The following SRR variants were observed in gnomAD, a reference collection of about 807,000 sequenced individuals.
SRR encodes the protein serine racemase, also known as D-serine ammonia-lyase.
SRR carries 19 observed loss-of-function variants against 32.7 expected under a neutral mutation model. The observed-to-expected ratio is 0.58, with a 90% CI of 0.40 to 0.85. The LOEUF is 0.85. Ranked by LOEUF, SRR falls within the 40% of genes least tolerant of loss-of-function variation. SRR has a pLI of 0.00. For synonymous variants in SRR, 142 were observed against 140.9 expected (o/e 1.01, Z -0.06); for missense variants, 373 against 404.7 (o/e 0.92, Z 0.67).
intron 7 of SRR, 29 bp from the exon 8 acceptor site, chr17:2,323,626 C>G: frequency 6.2e-7 from 1 of 1,608,996 alleles, no homozygotes; most frequent in Non-Finnish European, 8.5e-7. Flanking sequence ...TCCCCTTTCA[C>G]TAATTCCTAC....
In SRR at chr17:2,317,206, GGAA is replaced by G. The variant is rs1386400236; in HGVS notation, c.169-663_169-661del. Among the ~76,000 whole-genome samples, 3 of 111,856 alleles carry G rather than the reference GGAA, an allele frequency of 2.7e-5. 1 individual carries two copies. Among genetic ancestry groups the G allele is most frequent in the Admixed American group, 1.1e-4 (1 of 9,328 alleles). 73.4% of individuals were successfully genotyped at this position (111,856 alleles called of 152,430 possible). A position where few individuals can be genotyped will look rare whatever the true frequency, so the allele number is the denominator to read the frequency against. On this transcript the variant is annotated intron_variant, in intron 2 of 7. Coordinates refer to ENST00000344595, the MANE Select transcript of SRR (RefSeq NM_021947.3). ...TGATAGAGGAAGACTCCATCTCGGG[GGAA>G]AAAAAAAAAAAAAAAAAAAAGGCCG...
In SRR at chr17:2,324,170, G is replaced by A. The variant is rs371305424; in HGVS notation, c.*297G>A. 27 of 1,512,466 alleles carry A rather than the reference G, an allele frequency of 1.8e-5. No homozygotes were observed. The highest frequency in any genetic ancestry group is 1.3e-4 in the African/African-American group (9 of 71,598). The allele number at this position is 1,512,466 out of a possible 1,614,324, so 93.7% of individuals were successfully genotyped here. ...CATCCCTGGAGTACTGACTGGCACC[G>A]GTAAGACAGAATCTCTTTGAATCCA... On this transcript the variant is annotated 3_prime_UTR_variant, in exon 8 of 8. Transcript: ENST00000344595.
In SRR at chr17:2,321,307, C is replaced by T. The variant is rs758320061; in HGVS notation, c.401C>T (p.Ser134Phe). The T allele has an allele frequency of 1.2e-6, 2 of 1,613,576 alleles. No individual in the cohort carries two copies. Among genetic ancestry groups the T allele is most frequent in the Admixed American group, 3.3e-5 (2 of 59,900 alleles). The change falls in exon 5 of 8, where the codon TCC (serine) becomes TTC (phenylalanine). Residue 134 changes from serine (S) to phenylalanine (F), a missense_variant and splice_region_variant. By Grantham distance (155) the Ser-to-Phe change is radical. Coordinates refer to ENST00000344595, the MANE Select transcript of SRR (RefSeq NM_021947.3). ...SIVYCEPSDE[S>F]RENVAKRVTE... ...TAAGCTAAATTAATGTACTTTCAGT[C>T]CAGAGAAAATGTTGCAAAAAGAGTT... is the stretch of plus-strand genomic sequence containing the variant.
intron 1 of SRR, 153 bp from the exon 2 acceptor site, chr17:2,315,404 C>T (rs2075465353): frequency 4.2e-6 from 3 of 710,732 alleles, no homozygotes; most frequent in African/African-American, 1.8e-5. Context: ...TAAGTCAACT[C>T]TCTTTTAGGG....
At chr17:2,323,413 T>C (rs1437651427) in intron 7 of SRR, 68 bp downstream of exon 7, 27 of 1,581,192 alleles carry the variant, frequency 1.7e-5, no homozygotes, top group Non-Finnish European at 2.3e-5. Flanking sequence ...AAACTTCCCT[T>C]AGGAGTAGCA....
chr17:2,308,586 C>T (rs773507808), intron 1 of SRR, among the ~76,000 whole-genome samples: 26 of 152,228 alleles, frequency 1.7e-4, no homozygotes, highest in South Asian at 6.2e-4. Flanking sequence ...TGGCTGGGCA[C>T]GGTGGCTCAC....
At chr17:2,323,566 CA>C in intron 7 of SRR, 88 bp from the exon 8 acceptor site, 1 of 1,397,022 alleles carries the variant, frequency 7.2e-7, no homozygotes. Context: ...TAAGAAAATT[CA>C]AACTGGACAC....
intron 1 of SRR, among the ~76,000 whole-genome samples, chr17:2,306,207 T>C (rs1006551319): frequency 2.0e-5 from 3 of 151,634 alleles, no homozygotes; most frequent in Non-Finnish European, 4.4e-5. Context: ...TCCCAGCTAC[T>C]TGGGACGCTC....
At chr17:2,307,622 T>C (rs539709628) in intron 1 of SRR, 6 of 951,208 alleles carry the variant, frequency 6.3e-6, no homozygotes, top group South Asian at 2.6e-5. Context: ...CTGGCCCCTA[T>C]GGTGGTGCAG....
At chr17:2,317,771 T>C (rs2075488796) in intron 2 of SRR, 99 bp from the exon 3 acceptor site, 8 of 1,253,546 alleles carry the variant, frequency 6.4e-6, no homozygotes, top group Non-Finnish European at 9.0e-6. Flanking sequence ...TGGTGACAGA[T>C]TGGATGTGCA....
At position 2,313,898 on chromosome 17, in the gene SRR, T is replaced by C. The variant is rs2075451640; in HGVS notation, c.-4-1659T>C. The stretch of plus-strand genomic sequence containing the variant: ...GTAAACCACTGGATAGCAACTGTCT[T>C]TAGGTAGGAAGGTTTCGTGGCTATT... On this transcript the variant is annotated intron_variant, in intron 1 of 7. Coordinates refer to ENST00000344595, the MANE Select transcript of SRR (RefSeq NM_021947.3). Among the ~76,000 whole-genome samples the C allele has an allele frequency of 2.0e-5, 3 of 152,156 alleles. No individual in the cohort carries two copies. In the South Asian group the frequency reaches 6.2e-4, roughly 32 times the overall value.
At chr17:2,311,288 G>A (rs1597260265) in intron 1 of SRR, among the ~76,000 whole-genome samples, 1 of 152,014 alleles carries the variant, frequency 6.6e-6, no homozygotes, top group East Asian at 1.9e-4. Flanking sequence ...CTGGGTTTAA[G>A]CAATCCTCCT....
chr17:2,310,201 AATAT>A (rs1457440869), intron 1 of SRR, among the ~76,000 whole-genome samples: 1 of 152,116 alleles, frequency 6.6e-6, no homozygotes, highest in Non-Finnish European at 1.5e-5. Context: ...CAACCTCCAA[AATAT>A]ATCTTATTTT....
chr17:2,324,448 T>C lies in SRR; in HGVS notation c.*575T>C. 6.2e-7 allele frequency: 1 copy of C among 1,612,512 alleles called. No homozygotes were observed. Among genetic ancestry groups the C allele is most frequent in the Non-Finnish European group, 8.5e-7 (1 of 1,179,370 alleles). ...AAAGCAATGACTTCCAACCCAACAG[T>C]CATTTAGCAACACTGCAGAAATGCA... On this transcript the variant is annotated 3_prime_UTR_variant, in exon 8 of 8. Transcript: ENST00000344595.
chr17:2,318,369 C>T (rs2075495310), intron 3 of SRR, among the ~76,000 whole-genome samples: 2 of 151,808 alleles, frequency 1.3e-5, no homozygotes, highest in Non-Finnish European at 2.9e-5. Flanking sequence ...AGGCTGGTCT[C>T]GAACTCCTGG....
intron 1 of SRR, chr17:2,306,738 C>A: frequency 1.7e-6 from 1 of 586,416 alleles, no homozygotes; most frequent in Non-Finnish European, 3.0e-6. Context: ...AAAACAAACA[C>A]TTTCCACCCA....
intron 4 of SRR, 95 bp downstream of exon 4, chr17:2,319,024 G>A (rs878892948): frequency 2.5e-6 from 2 of 815,092 alleles, no homozygotes; most frequent in South Asian, 3.1e-5. Flanking sequence ...CCTCCTTTGT[G>A]GTTTCCCCTT....
At chr17:2,316,735 C>T (rs545225662) in intron 2 of SRR, among the ~76,000 whole-genome samples, 3 of 152,058 alleles carry the variant, frequency 2.0e-5, no homozygotes, top group East Asian at 3.9e-4. Context: ...TGTTTTGAGA[C>T]GGAGTCTCAC....
At chr17:2,313,757 T>C (rs1298616258) in intron 1 of SRR, among the ~76,000 whole-genome samples, 1 of 151,988 alleles carries the variant, frequency 6.6e-6, no homozygotes, top group Non-Finnish European at 1.5e-5. Flanking sequence ...AAAAAAAATG[T>C]TGATAAATGT....
Sources: allele counts gnomAD v4.1 joint callset (sites outside exome capture counted in the v4.1 genomes callset), GRCh38; gene constraint gnomAD v4.1.1; transcripts MANE v1.5; gene names NCBI Gene and HGNC (gene_info 2026-07-23, HGNC 2026-07-21).